Variants in FBXO7 observed in about 807,000 individuals in gnomAD.
FBXO7 encodes the protein F-box protein 7.
In FBXO7, 31 loss-of-function variants were observed where a neutral mutation model predicts 50.2. That is an observed-to-expected ratio of 0.62 (90% confidence interval 0.46 to 0.83). FBXO7 has a LOEUF of 0.83. Among genes scored for constraint, FBXO7 ranks in the 40% least tolerant of loss-of-function variants. The probability of loss-of-function intolerance (pLI) is 0.00; values close to 1 mark genes in which losing one functional copy is unlikely to be tolerated. For missense variants in FBXO7, 667 were observed against 646.6 expected, an observed-to-expected ratio of 1.03 and a Z score of -0.34; for synonymous variants, 256 against 253.1, an observed-to-expected ratio of 1.01 and a Z score of -0.11.
At chr22:32,487,584 T>C (rs1480416885) in intron 4 of FBXO7, 161 bp from the exon 5 acceptor site, 2 of 600,056 alleles carry the variant, frequency 3.3e-6, no homozygotes, top group African/African-American at 1.9e-5. Context: ...GTTTACACTT[T>C]TGAACTTGCT....
chr22:32,498,344 C>T lies in FBXO7; in HGVS notation c.1383C>T (p.Ile461=). 1 of 1,614,158 alleles carries T rather than the reference C, an allele frequency of 6.2e-7. No homozygotes were observed. Among genetic ancestry groups the T allele is most frequent in the Non-Finnish European group, 8.5e-7 (1 of 1,180,014 alleles). The change falls in exon 9 of 9, where the codon ATC becomes ATT. Residue 461 remains isoleucine, a synonymous_variant. Coordinates refer to ENST00000266087, the MANE Select transcript of FBXO7 (RefSeq NM_012179.4). The part of the protein sequence containing the change: ...RPTLPYVGDP[I]SSLIPGPGET... ...CACTTCCCTATGTTGGAGACCCAAT[C>T]AGTTCACTCATTCCTGGTCCTGGGG...
rs771788871 is a variant in FBXO7, at chr22:32,498,329, T to C, written c.1368T>C (p.Tyr456=). The change falls in exon 9 of 9, where the codon TAT becomes TAC. Residue 456 remains tyrosine (Y), a synonymous_variant. Coordinates refer to ENST00000266087, the MANE Select transcript of FBXO7 (RefSeq NM_012179.4). The stretch of plus-strand genomic sequence containing the variant: ...ATGACCAAAGACCAACACTTCCCTA[T>C]GTTGGAGACCCAATCAGTTCACTCA... The part of the protein sequence containing the change: ...GEYDQRPTLP[Y]VGDPISSLIP... 1.9e-6 allele frequency: 3 copies of C among 1,614,160 alleles called. No homozygotes were observed. In the East Asian group the frequency reaches 6.7e-5, roughly 36 times the overall value.
intron 1 of FBXO7, 94 bp downstream of exon 1, chr22:32,475,218 C>T: frequency 6.6e-7 from 1 of 1,506,508 alleles, no homozygotes; most frequent in South Asian, 1.3e-5. Context: ...GCTGCAGGCG[C>T]GGGCGTGGCC....
At chr22:32,487,316 G>A (rs887667023) in intron 4 of FBXO7, 2 of 172,850 alleles carry the variant, frequency 1.2e-5, no homozygotes, top group African/African-American at 4.8e-5. Flanking sequence ...CTGGAAGAGA[G>A]ATGATGCTGT....
intron 2 of FBXO7, among the ~76,000 whole-genome samples, chr22:32,480,730 C>T (rs2057459378): frequency 1.3e-5 from 2 of 151,556 alleles, no homozygotes. Flanking sequence ...AGTGCAGTGG[C>T]ACAATCTCAG....
At chr22:32,495,039 G>A (rs1014536073) in intron 7 of FBXO7, among the ~76,000 whole-genome samples, 6 of 152,212 alleles carry the variant, frequency 3.9e-5, no homozygotes, top group African/African-American at 7.2e-5. Flanking sequence ...ACCAGAATAT[G>A]GATGAAAGCC....
intron 7 of FBXO7, among the ~76,000 whole-genome samples, chr22:32,494,575 C>T (rs1052470209): frequency 6.6e-6 from 1 of 151,006 alleles, no homozygotes; most frequent in Non-Finnish European, 1.5e-5. Context: ...AGGCTGGTCT[C>T]CAACTCAAAA....
At chr22:32,479,401 C>CTTTTTTTTT (rs5845002) in intron 2 of FBXO7, 126 bp downstream of exon 2, 1 of 543,024 alleles carries the variant, frequency 1.8e-6, no homozygotes, top group African/African-American at 2.2e-5. Flanking sequence ...ATATTTTTTT[C>CTTTTTTTTT]TTTTTTTTTT....
At chr22:32,494,107 T>TAAAAA (rs130725) in intron 7 of FBXO7, among the ~76,000 whole-genome samples, 11 of 120,856 alleles carry the variant, frequency 9.1e-5, no homozygotes, top group Non-Finnish European at 1.7e-4. Flanking sequence ...ATAGCTCCCT[T>TAAAAA]AAAAAAAAAA....
intron 2 of FBXO7, among the ~76,000 whole-genome samples, chr22:32,483,163 G>A (rs2057475730): frequency 6.6e-6 from 1 of 152,232 alleles, no homozygotes; most frequent in Admixed American, 6.5e-5. Flanking sequence ...GACTGCTGAG[G>A]ACGGAGGATA....
intron 8 of FBXO7, among the ~76,000 whole-genome samples, chr22:32,495,767 T>G (rs2057570296): frequency 6.6e-6 from 1 of 152,240 alleles, no homozygotes; most frequent in Non-Finnish European, 1.5e-5. Context: ...AAAACATTCT[T>G]TTTTGCAACA....
intron 2 of FBXO7, among the ~76,000 whole-genome samples, chr22:32,481,748 C>T (rs747830964): frequency 2.6e-5 from 4 of 152,166 alleles, no homozygotes; most frequent in Non-Finnish European, 5.9e-5. Flanking sequence ...TCGAGTGCCT[C>T]TTGAGTCTTT....
chr22:32,490,487 C>G (rs1296986270), intron 5 of FBXO7: 1 of 152,720 alleles, frequency 6.5e-6, no homozygotes, highest in East Asian at 1.9e-4. Context: ...CTGTCGCCCA[C>G]ATGTTGAGTA....
At chr22:32,494,125 AAAG>A (rs1302753922) in intron 7 of FBXO7, among the ~76,000 whole-genome samples, 2 of 149,940 alleles carry the variant, frequency 1.3e-5, no homozygotes, top group African/African-American at 4.9e-5. Context: ...AAAAAAAAAA[AAAG>A]AATATCATGT....
intron 7 of FBXO7, among the ~76,000 whole-genome samples, chr22:32,495,214 A>C (rs1187371023): frequency 6.6e-6 from 1 of 152,218 alleles, no homozygotes; most frequent in African/African-American, 2.4e-5. Context: ...GCAGGAAGAG[A>C]GTAGCCACAT....
chr22:32,480,174 A>G (rs1048366943), intron 2 of FBXO7, among the ~76,000 whole-genome samples: 12 of 151,984 alleles, frequency 7.9e-5, no homozygotes, highest in African/African-American at 2.4e-4. Flanking sequence ...TTCTGATGCT[A>G]TTGTTCCCTT....
In FBXO7 at chr22:32,474,846, T is replaced by C; in HGVS notation, c.-157T>C. The C allele has an allele frequency of 2.8e-6, 2 of 711,666 alleles. No homozygotes were observed. The highest frequency in any genetic ancestry group is 4.0e-5 in the South Asian group (2 of 50,410). The allele number at this position is 711,666 out of a possible 1,614,324, so 44.1% of individuals were successfully genotyped here. A position where few individuals can be genotyped will look rare whatever the true frequency, so the allele number is the denominator to read the frequency against. ...AGAGACCGAGTGGCAGGGCGGCCAC[T>C]GTGGCGGGGCTCTTTCCCCGTTTCG... On this transcript the variant is annotated 5_prime_UTR_variant, in exon 1 of 9. Coordinates refer to ENST00000266087, the MANE Select transcript of FBXO7 (RefSeq NM_012179.4).
chr22:32,498,117 G>GTTCTT (rs746362938), intron 8 of FBXO7, 27 bp from the exon 9 acceptor site: 7 of 1,612,442 alleles, frequency 4.3e-6, no homozygotes, highest in African/African-American at 2.7e-5. Context: ...ACCTTATCTT[G>GTTCTT]TTCTTTTATT....
At chr22:32,485,257 G>A (rs752233316) in intron 4 of FBXO7, 48 bp downstream of exon 4, 15 of 1,611,976 alleles carry the variant, frequency 9.3e-6, no homozygotes, top group South Asian at 3.3e-5. Flanking sequence ...ATTCTTAGAC[G>A]TTTCTTTCCA....
Sources: gnomAD v4.1 joint callset for allele counts (sites outside exome capture counted in the v4.1 genomes callset) on GRCh38, gnomAD v4.1.1 for gene constraint, MANE v1.5 for transcripts, NCBI Gene and HGNC (gene_info 2026-07-23, HGNC 2026-07-21) for gene names.